SCCPDH: variants seen among roughly 807,000 people sequenced by gnomAD.
SCCPDH encodes saccharopine dehydrogenase (putative).
Under a neutral mutation model 51.5 loss-of-function variants are expected in SCCPDH, and 34 were observed. The ratio of observed to expected loss-of-function variants is 0.66; its 90% CI spans 0.50 to 0.88. The LOEUF (loss-of-function observed/expected upper bound fraction) is 0.88. SCCPDH is among the 40% of genes least tolerant of loss of function. The pLI, the probability that SCCPDH is intolerant of heterozygous loss-of-function variation, is 0.00. For missense variants in SCCPDH, 464 were observed against 527.1 expected (o/e 0.88, Z 1.17); for synonymous variants, 187 against 191.3 (o/e 0.98, Z 0.19).
intron 5 of SCCPDH, among the ~76,000 whole-genome samples, chr1:246,754,060 A>G (rs1420213922): frequency 6.6e-6 from 1 of 151,750 alleles, no homozygotes; most frequent in Admixed American, 6.6e-5. Flanking sequence ...GTTAGGCCCC[A>G]TCTCTCATCT....
chr1:246,749,001 G>T (rs1261679146), intron 5 of SCCPDH, among the ~76,000 whole-genome samples: 1 of 152,254 alleles, frequency 6.6e-6, no homozygotes, highest in Non-Finnish European at 1.5e-5. Context: ...TTTTCCGTCT[G>T]CCGTGAAAGG....
At chr1:246,752,420 C>CT (rs947911367) in intron 5 of SCCPDH, among the ~76,000 whole-genome samples, 1 of 152,118 alleles carries the variant, frequency 6.6e-6, no homozygotes, top group Non-Finnish European at 1.5e-5. Context: ...ATTAATAGCT[C>CT]TAAGTTCTTG....
At chr1:246,767,075 C>A in intron 11 of SCCPDH, 120 bp from the exon 12 acceptor site, 1 of 575,598 alleles carries the variant, frequency 1.7e-6, no homozygotes, top group South Asian at 3.0e-5. Context: ...CAAAGGTAGC[C>A]GTGATTACCA....
At chr1:246,757,686 C>T (rs1352873624) in intron 5 of SCCPDH, among the ~76,000 whole-genome samples, 1 of 152,114 alleles carries the variant, frequency 6.6e-6, no homozygotes, top group African/African-American at 2.4e-5. Flanking sequence ...ACTAAGACTT[C>T]AGTAGGAAGA....
At chr1:246,741,105 AAAAAAC>A (rs1034414643) in intron 4 of SCCPDH, among the ~76,000 whole-genome samples, 4 of 152,058 alleles carry the variant, frequency 2.6e-5, no homozygotes, top group East Asian at 3.9e-4. Flanking sequence ...CAAAAAAACA[AAAAAAC>A]AAAAACAAAA....
At chr1:246,742,100 T>C (rs140839509) in intron 4 of SCCPDH, among the ~76,000 whole-genome samples, 1 of 152,314 alleles carries the variant, frequency 6.6e-6, no homozygotes, top group East Asian at 1.9e-4. Context: ...AATGAATGAA[T>C]GTCAGAAGGC....
At chr1:246,759,409 T>C (rs1668980229) in intron 7 of SCCPDH, among the ~76,000 whole-genome samples, 1 of 152,220 alleles carries the variant, frequency 6.6e-6, no homozygotes, top group African/African-American at 2.4e-5. Context: ...CCTGCTGTCA[T>C]AAGCACCCCA....
At chr1:246,727,075 C>T in intron 2 of SCCPDH, 71 bp downstream of exon 2, 1 of 1,211,016 alleles carries the variant, frequency 8.3e-7, no homozygotes. Context: ...TCCAGAGGAA[C>T]ATAAGGACAG....
chr1:246,742,070 A>G (rs1291351669), intron 4 of SCCPDH, among the ~76,000 whole-genome samples: 2 of 152,198 alleles, frequency 1.3e-5, no homozygotes, highest in Non-Finnish European at 2.9e-5. Context: ...GTCTCAAATG[A>G]ATGAATGAAT....
Position 246,764,310 on chromosome 1 carries a change from A to T in SCCPDH, c.1055A>T (p.Asp352Val). 6.2e-7 allele frequency: 1 copy of T among 1,613,808 alleles called. No homozygotes were observed. The highest frequency in any genetic ancestry group is 8.5e-7 in the Non-Finnish European group (1 of 1,179,840). Residue 352 changes from aspartate to valine, a missense_variant, in exon 10 of 12, where the codon GAT (aspartate) becomes GTT (valine). Asp to Val is a radical substitution (Grantham distance 152, BLOSUM62 -3). Coordinates refer to ENST00000366510, the MANE Select transcript of SCCPDH (RefSeq NM_016002.3). ...GQGYSQGTGT[D>V]KNKPNIKICT... ...GGATACAGCCAAGGCACTGGTACAG[A>T]TAAGAACAAACCAAATATCAAAATT...
At chr1:246,757,286 G>C (rs983550101) in intron 5 of SCCPDH, among the ~76,000 whole-genome samples, 4 of 149,070 alleles carry the variant, frequency 2.7e-5, no homozygotes, top group Non-Finnish European at 5.9e-5. Flanking sequence ...AGAGGTTGCA[G>C]TGAGCTGAGA....
chr1:246,748,317 C>T lies in SCCPDH; in HGVS notation c.564+4192C>T, dbSNP rs190801718. Among the ~76,000 whole-genome samples the T allele has an allele frequency of 2.6e-5, 4 of 152,228 alleles. No homozygotes were observed. In the East Asian group the frequency reaches 7.7e-4, roughly 29 times the overall value. On this transcript the variant is annotated intron_variant, in intron 5 of 11. Transcript: ENST00000366510. Reference sequence around the variant, plus strand: ...TCCATTTACCAAACCACCTTTCTAGCCACCCGGAGAAAGGGTTATCGGCTC... The same window carrying T: ...TCCATTTACCAAACCACCTTTCTAGTCACCCGGAGAAAGGGTTATCGGCTC...
chr1:246,744,048 G>A, intron 4 of SCCPDH, 28 bp from the exon 5 acceptor site: 1 of 1,412,674 alleles, frequency 7.1e-7, no homozygotes, highest in Non-Finnish European at 9.9e-7. Context: ...ATTTTATTTT[G>A]CTTTTTACCA....
chr1:246,762,566 G>A (rs1285851137), intron 9 of SCCPDH, among the ~76,000 whole-genome samples: 1 of 152,168 alleles, frequency 6.6e-6, no homozygotes, highest in Non-Finnish European at 1.5e-5. Context: ...TCATGGCCGG[G>A]CGCAGTGGCT....
At chr1:246,765,823 C>T (rs1669080029) in intron 10 of SCCPDH, among the ~76,000 whole-genome samples, 1 of 152,078 alleles carries the variant, frequency 6.6e-6, no homozygotes. Flanking sequence ...GTAATATTGA[C>T]CTTAAATAAT....
intron 5 of SCCPDH, among the ~76,000 whole-genome samples, chr1:246,752,136 G>A (rs1668859865): frequency 6.6e-6 from 1 of 151,956 alleles, no homozygotes; most frequent in African/African-American, 2.4e-5. Context: ...AAAGCACACT[G>A]CCTTCATGTC....
At chr1:246,756,811 G>GT (rs1483311903) in intron 5 of SCCPDH, among the ~76,000 whole-genome samples, 2 of 152,254 alleles carry the variant, frequency 1.3e-5, no homozygotes, top group East Asian at 3.9e-4. Context: ...TGGTTTTATT[G>GT]TTTCTCTTAT....
intron 6 of SCCPDH, 36 bp from the exon 7 acceptor site, chr1:246,758,998 C>T (rs1197633230): frequency 8.5e-7 from 1 of 1,180,724 alleles, no homozygotes; most frequent in Non-Finnish European, 1.3e-6. Flanking sequence ...GTTGTAATTG[C>T]AGGAAATGCA....
chr1:246,726,237 G>T (rs1668398483), intron 1 of SCCPDH, among the ~76,000 whole-genome samples: 1 of 152,094 alleles, frequency 6.6e-6, no homozygotes, highest in Non-Finnish European at 1.5e-5. Context: ...AGTGGTTGAT[G>T]AGAAACTTTA....
Sources: allele counts gnomAD v4.1 joint callset (sites outside exome capture counted in the v4.1 genomes callset), GRCh38; gene constraint gnomAD v4.1.1; transcripts MANE v1.5; gene names NCBI Gene and HGNC (gene_info 2026-07-23, HGNC 2026-07-21).